The following SPON1 variants were observed in gnomAD, a reference collection of about 807,000 sequenced individuals.
SPON1 encodes spondin 1.
Under a neutral mutation model 111.7 loss-of-function variants are expected in SPON1, and 52 were observed. The observed-to-expected ratio is 0.47, with a 90% CI of 0.37 to 0.59. SPON1 has a LOEUF of 0.59. SPON1 is among the 20% of genes least tolerant of loss of function. The pLI is 0.00. For missense variants in SPON1, 957 were observed against 1,068.5 expected, an observed-to-expected ratio of 0.90 and a Z score of 1.46; for synonymous variants, 410 against 395.8, an observed-to-expected ratio of 1.04 and a Z score of -0.43.
chr11:14,194,749 T>G (rs756901674), intron 6 of SPON1, among the ~76,000 whole-genome samples: 1 of 152,228 alleles, frequency 6.6e-6, no homozygotes, highest in Non-Finnish European at 1.5e-5. Flanking sequence ...AGTAAAGGGA[T>G]TCTTCTAAAA....
intron 3 of SPON1, among the ~76,000 whole-genome samples, chr11:14,051,421 A>T (rs1323543381): frequency 6.6e-6 from 1 of 152,072 alleles, no homozygotes; most frequent in African/African-American, 2.4e-5. Context: ...CTATAGTCCC[A>T]GCTACTCAGG....
intron 2 of SPON1, 30 bp downstream of exon 2, chr11:13,982,983 C>A (rs782111019): frequency 6.8e-5 from 96 of 1,411,674 alleles, no homozygotes; most frequent in Non-Finnish European, 8.4e-5. Context: ...TATTCAGTGG[C>A]CCTCCCTGCC....
At chr11:14,201,525 G>A (rs868922097) in intron 6 of SPON1, among the ~76,000 whole-genome samples, 2 of 151,414 alleles carry the variant, frequency 1.3e-5, no homozygotes, top group African/African-American at 4.9e-5. Flanking sequence ...CAGCCTCCCA[G>A]GTAGGTGAGA....
intron 3 of SPON1, among the ~76,000 whole-genome samples, chr11:14,049,508 T>C (rs913171457): frequency 2.6e-5 from 4 of 152,304 alleles, no homozygotes; most frequent in Admixed American, 6.5e-5. Flanking sequence ...AGGGTGCCTA[T>C]GACCTTCACC....
chr11:14,163,958 A>C (rs1847998210), intron 6 of SPON1, among the ~76,000 whole-genome samples: 1 of 152,160 alleles, frequency 6.6e-6, no homozygotes, highest in Non-Finnish European at 1.5e-5. Flanking sequence ...CAAACTGGGA[A>C]GCATTCAATT....
intron 5 of SPON1, among the ~76,000 whole-genome samples, chr11:14,099,345 A>G (rs548990043): frequency 1.3e-5 from 2 of 152,166 alleles, no homozygotes; most frequent in East Asian, 3.9e-4. Context: ...ATCCACTTTT[A>G]TATATACTGT....
rs148760156 is a variant in SPON1, at chr11:14,081,667, T to C, written c.676+1646T>C. ...TGTTTTGTTCTTGTGCATTTTACTT[T>C]GGAGTTACCGCAGTTCAGGAAGAAC... On this transcript the variant is annotated intron_variant, in intron 5 of 15. Coordinates refer to ENST00000576479, the MANE Select transcript of SPON1 (RefSeq NM_006108.4). Among the ~76,000 whole-genome samples, 130 of 152,234 alleles carry C rather than the reference T, an allele frequency of 8.5e-4. 1 individual carries two copies. The highest frequency in any genetic ancestry group is 3.0e-3 in the African/African-American group (125 of 41,550).
intron 5 of SPON1, among the ~76,000 whole-genome samples, chr11:14,126,658 T>A (rs1302714968): frequency 6.6e-6 from 1 of 152,178 alleles, no homozygotes; most frequent in Admixed American, 6.5e-5. Flanking sequence ...AGCCATGTCC[T>A]TACCTGAAAG....
intron 6 of SPON1, among the ~76,000 whole-genome samples, chr11:14,138,371 TTAATAA>T (rs543762078): frequency 1.3e-5 from 2 of 152,050 alleles, no homozygotes; most frequent in African/African-American, 4.8e-5. Context: ...TAACAGTATA[TTAATAA>T]TAATACTGTT....
At chr11:14,154,967 G>A (rs1337239633) in intron 6 of SPON1, among the ~76,000 whole-genome samples, 1 of 152,156 alleles carries the variant, frequency 6.6e-6, no homozygotes, top group Non-Finnish European at 1.5e-5. Flanking sequence ...CTCTAGAGCA[G>A]GGACACAATG....
chr11:14,035,570 C>G (rs1250283370), intron 2 of SPON1, among the ~76,000 whole-genome samples: 1 of 151,368 alleles, frequency 6.6e-6, no homozygotes, highest in Non-Finnish European at 1.5e-5. Flanking sequence ...AGTCATATAG[C>G]CAGGAACCTC....
chr11:14,061,181 C>A (rs926535520), intron 3 of SPON1, among the ~76,000 whole-genome samples: 2 of 152,116 alleles, frequency 1.3e-5, no homozygotes, highest in Non-Finnish European at 2.9e-5. Flanking sequence ...ACAGCTAGAT[C>A]CAGAATAAAA....
intron 6 of SPON1, among the ~76,000 whole-genome samples, chr11:14,162,147 G>C (rs1250136639): frequency 8.1e-6 from 1 of 123,028 alleles, no homozygotes; most frequent in African/African-American, 3.4e-5. Context: ...AGAAAAGCAA[G>C]ACTCTGTCTC....
intron 6 of SPON1, among the ~76,000 whole-genome samples, chr11:14,213,762 T>C (rs1454520283): frequency 6.6e-6 from 1 of 152,226 alleles, no homozygotes; most frequent in Non-Finnish European, 1.5e-5. Context: ...AGCCACGCTG[T>C]ACTGAAGTAC....
intron 3 of SPON1, among the ~76,000 whole-genome samples, chr11:14,049,394 G>C (rs1483316528): frequency 1.3e-5 from 2 of 152,150 alleles, no homozygotes; most frequent in African/African-American, 4.8e-5. Context: ...GCTGGTATAA[G>C]ACTTGCTGTC....
chr11:14,102,985 G>A (rs1849155714), intron 5 of SPON1, among the ~76,000 whole-genome samples: 1 of 152,098 alleles, frequency 6.6e-6, no homozygotes, highest in Non-Finnish European at 1.5e-5. Flanking sequence ...TTCGCTAGTT[G>A]TACTGCTTGG....
intron 1 of SPON1, among the ~76,000 whole-genome samples, chr11:13,977,812 A>T (rs1848114080): frequency 6.6e-6 from 1 of 152,020 alleles, no homozygotes; most frequent in Non-Finnish European, 1.5e-5. Flanking sequence ...TGCTTTTCAC[A>T]TTTAGCTGTA....
chr11:14,037,529 G>GAAA (rs34072683), intron 2 of SPON1, among the ~76,000 whole-genome samples: 41,728 of 146,802 alleles, frequency 0.28, 6,836 homozygotes, highest in South Asian at 0.49. Context: ...TCCACATGTA[G>GAAA]AAAAAAAAAA....
At chr11:14,232,673 C>T (rs1279949239) in intron 6 of SPON1, among the ~76,000 whole-genome samples, 2 of 152,182 alleles carry the variant, frequency 1.3e-5, no homozygotes, top group African/African-American at 4.8e-5. Context: ...TTGGATTATA[C>T]ACTTGGACAT....
Sources: gnomAD v4.1 joint callset for allele counts (sites outside exome capture counted in the v4.1 genomes callset) on GRCh38, gnomAD v4.1.1 for gene constraint, MANE v1.5 for transcripts, NCBI Gene and HGNC (gene_info 2026-07-23, HGNC 2026-07-21) for gene names.